The following EYA3 variants were observed in gnomAD, a reference collection of about 807,000 sequenced individuals.
EYA3 encodes EYA transcriptional coactivator and phosphatase 3.
EYA3 carries 39 observed loss-of-function variants against 80.0 expected under a neutral mutation model. The ratio of observed to expected loss-of-function variants is 0.49; its 90% CI spans 0.38 to 0.64. The LOEUF (loss-of-function observed/expected upper bound fraction) is 0.64. Among genes scored for constraint, EYA3 ranks in the 30% least tolerant of loss-of-function variants. The pLI is 0.00. For missense variants in EYA3, 523 were observed against 676.1 expected, an observed-to-expected ratio of 0.77 and a Z score of 2.51; for synonymous variants, 206 against 232.8, an observed-to-expected ratio of 0.88 and a Z score of 1.05.
At chr1:28,017,398 C>T (rs1329763777) in intron 7 of EYA3, among the ~76,000 whole-genome samples, 159 bp from the exon 8 acceptor site, 1 of 152,174 alleles carries the variant, frequency 6.6e-6, no homozygotes, top group East Asian at 1.9e-4. Flanking sequence ...GGGATAGCTA[C>T]ATTTACACTT....
At chr1:28,086,820 G>A (rs1645673358) in intron 1 of EYA3, among the ~76,000 whole-genome samples, 1 of 152,140 alleles carries the variant, frequency 6.6e-6, no homozygotes, top group Admixed American at 6.6e-5. Context: ...CTTTCAAAGA[G>A]GCTTCACTTA....
intron 12 of EYA3, chr1:27,998,463 T>C (rs759764302): frequency 1.2e-4 from 30 of 241,022 alleles, no homozygotes; most frequent in Non-Finnish European, 1.9e-4. Context: ...CATATGAAGT[T>C]GAGGGAAGAT....
intron 1 of EYA3, among the ~76,000 whole-genome samples, chr1:28,078,035 T>C (rs576632010): frequency 6.6e-6 from 1 of 152,166 alleles, no homozygotes; most frequent in Non-Finnish European, 1.5e-5. Flanking sequence ...TTTCTCCAAA[T>C]TTATTTACCC....
intron 1 of EYA3, among the ~76,000 whole-genome samples, chr1:28,069,793 C>T (rs896493416): frequency 1.3e-5 from 2 of 152,172 alleles, no homozygotes; most frequent in Non-Finnish European, 2.9e-5. Flanking sequence ...GAAAAACAGT[C>T]TTTGCATATG....
At chr1:28,026,722 C>A (rs1179395038) in intron 7 of EYA3, among the ~76,000 whole-genome samples, 2 of 151,346 alleles carry the variant, frequency 1.3e-5, no homozygotes, top group African/African-American at 2.4e-5. Context: ...TGGTTTGTTC[C>A]CATCTTAGAA....
intron 8 of EYA3, among the ~76,000 whole-genome samples, chr1:28,014,860 G>C (rs1641942254): frequency 6.6e-6 from 1 of 152,052 alleles, no homozygotes; most frequent in Non-Finnish European, 1.5e-5. Context: ...CCCTAATAAA[G>C]CTGTAAAAAA....
chr1:27,998,951 T>C (rs1212156831), intron 12 of EYA3, among the ~76,000 whole-genome samples: 1 of 152,034 alleles, frequency 6.6e-6, no homozygotes, highest in Non-Finnish European at 1.5e-5. Context: ...GTATTTTTGG[T>C]AGAGACGGGG....
At chr1:28,053,153 C>CAAA (rs34075939) in intron 2 of EYA3, among the ~76,000 whole-genome samples, 95 of 72,486 alleles carry the variant, frequency 1.3e-3, no homozygotes, top group Middle Eastern at 0.01. Flanking sequence ...GACCCCGTCT[C>CAAA]AAAAAAAAAA....
intron 7 of EYA3, among the ~76,000 whole-genome samples, chr1:28,026,371 T>G (rs767209719): frequency 1.3e-5 from 2 of 152,034 alleles, no homozygotes; most frequent in African/African-American, 4.8e-5. Context: ...ATTTCAACAC[T>G]TTGGGAAGCT....
At chr1:28,074,137 A>T (rs890693897) in intron 1 of EYA3, among the ~76,000 whole-genome samples, 10 of 152,340 alleles carry the variant, frequency 6.6e-5, no homozygotes, top group Non-Finnish European at 1.3e-4. Flanking sequence ...TCATAACAGA[A>T]GAATTTTTCC....
At chr1:27,976,065 T>A (rs897548818) in intron 17 of EYA3, among the ~76,000 whole-genome samples, 1 of 152,210 alleles carries the variant, frequency 6.6e-6, no homozygotes, top group Non-Finnish European at 1.5e-5. Context: ...CACAGTTATT[T>A]TGGCATATAC....
chr1:28,043,145 C>T (rs1328357592), intron 3 of EYA3, among the ~76,000 whole-genome samples: 2 of 151,980 alleles, frequency 1.3e-5, no homozygotes, highest in Non-Finnish European at 2.9e-5. Flanking sequence ...GCCCAGTCTA[C>T]TGTTCTTTCT....
At chr1:28,003,866 G>T (rs1464403128) in intron 11 of EYA3, among the ~76,000 whole-genome samples, 1 of 144,462 alleles carries the variant, frequency 6.9e-6, no homozygotes, top group East Asian at 2.1e-4. Context: ...TTTGCTTGGT[G>T]TATTTAGTTT....
intron 1 of EYA3, among the ~76,000 whole-genome samples, chr1:28,080,041 A>G (rs2148952641): frequency 6.6e-6 from 1 of 152,346 alleles, no homozygotes; most frequent in East Asian, 1.9e-4. Flanking sequence ...AACTAAAGAA[A>G]AAATTCAATT....
rs142552670 is a variant in EYA3, at chr1:28,033,640, GTATTAT to G, written c.361+1898_361+1903del. Among the ~76,000 whole-genome samples, 390 of 141,044 alleles carry G rather than the reference GTATTAT, an allele frequency of 2.8e-3. 2 individuals are homozygous for G. The highest frequency in any genetic ancestry group is 5.2e-3 in the Non-Finnish European group (338 of 65,032). 92.5% of individuals were successfully genotyped at this position (141,044 alleles called of 152,430 possible). ...TTACAGAATTTTTTTCTTTTTTAAT[GTATTAT>G]TATTATTATTATTATTATTATTATT... On this transcript the variant is annotated intron_variant, in intron 6 of 17. Transcript: ENST00000373871.
rs140209618 is a variant in EYA3 at position 27,983,568 on chromosome 1, G to A, written c.1540+4967C>T. Among the ~76,000 whole-genome samples the A allele has an allele frequency of 2.6e-3, 396 of 152,154 alleles. 1 individual carries two copies. Among genetic ancestry groups the A allele is most frequent in the African/African-American group, 8.7e-3 (363 of 41,510 alleles). On this transcript the variant is annotated intron_variant, in intron 16 of 17. Coordinates refer to ENST00000373871, the MANE Select transcript of EYA3 (RefSeq NM_001990.4). Reference sequence around the variant, plus strand: ...TACTGACAGTTTTGTTTTCCTCTTCGGCAAACTGGTTGTTTCAAGGTTTTT... The same window carrying A: ...TACTGACAGTTTTGTTTTCCTCTTCAGCAAACTGGTTGTTTCAAGGTTTTT...
chr1:28,047,152 T>C (rs1434538029), intron 3 of EYA3, among the ~76,000 whole-genome samples: 3 of 150,954 alleles, frequency 2.0e-5, no homozygotes, highest in Non-Finnish European at 2.9e-5. Flanking sequence ...CCTTTTTTTT[T>C]TTGAGACAGA....
chr1:28,016,163 G>C (rs1167263779), intron 8 of EYA3, among the ~76,000 whole-genome samples: 1 of 152,164 alleles, frequency 6.6e-6, no homozygotes, highest in Non-Finnish European at 1.5e-5. Flanking sequence ...AGAGCTATGA[G>C]AGAGAAAGAG....
At chr1:28,015,461 G>A (rs1383615146) in intron 8 of EYA3, among the ~76,000 whole-genome samples, 1 of 152,124 alleles carries the variant, frequency 6.6e-6, no homozygotes, top group Admixed American at 6.6e-5. Context: ...CCCGGGAGGC[G>A]GAGCTTGCAG....
Sources: gnomAD v4.1 joint callset for allele counts (sites outside exome capture counted in the v4.1 genomes callset) on GRCh38, gnomAD v4.1.1 for gene constraint, MANE v1.5 for transcripts, NCBI Gene and HGNC (gene_info 2026-07-23, HGNC 2026-07-21) for gene names.